HS2ST1: variants seen among roughly 807,000 people sequenced by gnomAD.
HS2ST1 encodes heparan sulfate 2-O-sulfotransferase 1, also known as 2-O-sulfotransferase.
In HS2ST1, 18 loss-of-function variants were observed where a neutral mutation model predicts 42.9. The observed-to-expected ratio is 0.42, with a 90% CI of 0.29 to 0.62. HS2ST1 has a LOEUF of 0.62. HS2ST1 is among the 20% of genes least tolerant of loss of function. The pLI, the probability that HS2ST1 is intolerant of heterozygous loss-of-function variation, is 0.21. For missense variants in HS2ST1, 334 were observed against 433.8 expected (o/e 0.77, Z 2.04); for synonymous variants, 146 against 152.9 (o/e 0.95, Z 0.33).
intron 1 of HS2ST1, among the ~76,000 whole-genome samples, chr1:86,949,746 A>G (rs1470779747): frequency 2.0e-5 from 3 of 152,156 alleles, no homozygotes; most frequent in African/African-American, 7.2e-5. Flanking sequence ...GAACATTTTC[A>G]TCTTTCCAGA....
intron 1 of HS2ST1, among the ~76,000 whole-genome samples, chr1:87,011,902 G>A (rs1261936947): frequency 1.3e-5 from 2 of 152,082 alleles, no homozygotes; most frequent in African/African-American, 2.4e-5. Flanking sequence ...TAGGACATAC[G>A]GTTTTATTTA....
chr1:87,046,977 G>C (rs371887823), intron 1 of HS2ST1, among the ~76,000 whole-genome samples: 2 of 145,234 alleles, frequency 1.4e-5, no homozygotes, highest in Admixed American at 7.0e-5. Context: ...CAAAGTGCTG[G>C]GATTACAGGC....
At chr1:87,064,045 C>T (rs1651185479) in intron 1 of HS2ST1, among the ~76,000 whole-genome samples, 1 of 152,144 alleles carries the variant, frequency 6.6e-6, no homozygotes, top group South Asian at 2.1e-4. Flanking sequence ...GGATATTGGG[C>T]ATTGTGAGGG....
chr1:86,949,473 A>T (rs1194864898), intron 1 of HS2ST1, among the ~76,000 whole-genome samples: 1 of 152,140 alleles, frequency 6.6e-6, no homozygotes, highest in Non-Finnish European at 1.5e-5. Flanking sequence ...TAGAGGCTTA[A>T]GCAGGAGAAT....
chr1:87,090,615 A>T (rs1212410649), intron 3 of HS2ST1, among the ~76,000 whole-genome samples: 1 of 152,012 alleles, frequency 6.6e-6, no homozygotes, highest in Admixed American at 6.6e-5. Flanking sequence ...GTTTATTCCA[A>T]AACAGCAGCC....
At chr1:87,064,451 C>T (rs779766599) in intron 1 of HS2ST1, 1 of 518,212 alleles carries the variant, frequency 1.9e-6, no homozygotes, top group Non-Finnish European at 3.9e-6. Context: ...TCCATCTTCC[C>T]TTAAAGTGGA....
intron 1 of HS2ST1, among the ~76,000 whole-genome samples, chr1:86,939,672 C>T (rs1349116052): frequency 3.3e-5 from 5 of 152,292 alleles, no homozygotes; most frequent in South Asian, 2.1e-4. Flanking sequence ...TTCCTATGTG[C>T]ACTAAGGTTA....
intron 5 of HS2ST1, among the ~76,000 whole-genome samples, chr1:87,101,147 G>GTTTTTTTTTTTTTTTTTTT (rs1557546414): frequency 1.3e-5 from 1 of 75,892 alleles, no homozygotes; most frequent in Non-Finnish European, 2.5e-5. Flanking sequence ...GTGTGTGTGT[G>GTTTTTTTTTTTTTTTTTTT]TGTTTTTTGT....
Position 86,918,362 on chromosome 1 carries a change from A to T in HS2ST1, c.124+3202A>T, listed in dbSNP as rs77482660. Among the ~76,000 whole-genome samples, 24 of 152,206 alleles carry T rather than the reference A, an allele frequency of 1.6e-4. No homozygotes were observed. In the East Asian group the frequency reaches 4.6e-3, roughly 29 times the overall value. ...AGGTCAGTACATATAGATGTGACTT[A>T]CTCATTCTATTAATAATAGCTGTAT... On this transcript the variant is annotated intron_variant, in intron 1 of 6. Transcript: ENST00000370550.
chr1:87,061,673 T>C (rs556134461), intron 1 of HS2ST1, among the ~76,000 whole-genome samples: 1 of 152,282 alleles, frequency 6.6e-6, no homozygotes, highest in South Asian at 2.1e-4. Flanking sequence ...GTTTCTACCT[T>C]TTGGCTATAG....
intron 2 of HS2ST1, among the ~76,000 whole-genome samples, chr1:87,073,763 T>C (rs1651475236): frequency 6.6e-6 from 1 of 152,212 alleles, no homozygotes; most frequent in Non-Finnish European, 1.5e-5. Context: ...TAAAATTTGC[T>C]CATCTCTTTA....
intron 1 of HS2ST1, among the ~76,000 whole-genome samples, chr1:87,064,061 G>A (rs1408670153): frequency 6.6e-6 from 1 of 152,196 alleles, no homozygotes; most frequent in Non-Finnish European, 1.5e-5. Flanking sequence ...GAGGGTGGAA[G>A]TCTAGGCTCC....
chr1:87,067,139 A>G (rs1651273916), intron 1 of HS2ST1, among the ~76,000 whole-genome samples: 1 of 152,216 alleles, frequency 6.6e-6, no homozygotes, highest in African/African-American at 2.4e-5. Flanking sequence ...TCCTTGAGGA[A>G]TCGCCACATT....
chr1:87,027,590 AT>A, intron 1 of HS2ST1, among the ~76,000 whole-genome samples: 1 of 152,356 alleles, frequency 6.6e-6, no homozygotes, highest in East Asian at 1.9e-4. Flanking sequence ...TACAGTCCAC[AT>A]GAGTAAGGTT....
chr1:86,964,401 C>T (rs1206897450), intron 1 of HS2ST1, among the ~76,000 whole-genome samples: 3 of 152,222 alleles, frequency 2.0e-5, no homozygotes, highest in South Asian at 2.1e-4. Flanking sequence ...CTCGGGAGGC[C>T]GAGGCTGGCA....
chr1:86,976,500 G>A (rs1172754687), intron 1 of HS2ST1, among the ~76,000 whole-genome samples: 1 of 151,522 alleles, frequency 6.6e-6, no homozygotes, highest in Non-Finnish European at 1.5e-5. Context: ...AATTAGAATT[G>A]ATTTTTTTCT....
intron 2 of HS2ST1, among the ~76,000 whole-genome samples, chr1:87,081,254 T>C (rs1651680289): frequency 6.6e-6 from 1 of 152,200 alleles, no homozygotes; most frequent in African/African-American, 2.4e-5. Flanking sequence ...GACTGCAGAA[T>C]ACACATTCTT....
chr1:87,023,888 C>T (rs1292573581), intron 1 of HS2ST1, among the ~76,000 whole-genome samples: 5 of 150,948 alleles, frequency 3.3e-5, no homozygotes, highest in Admixed American at 6.6e-5. Flanking sequence ...GAGGTCATGC[C>T]GCCACTGGGA....
At chr1:86,949,266 G>A (rs1647431688) in intron 1 of HS2ST1, among the ~76,000 whole-genome samples, 1 of 151,954 alleles carries the variant, frequency 6.6e-6, no homozygotes, top group African/African-American at 2.4e-5. Context: ...ATACCACCAT[G>A]TCCGTCTAAT....
Sources: gnomAD v4.1 joint callset for allele counts (sites outside exome capture counted in the v4.1 genomes callset) on GRCh38, gnomAD v4.1.1 for gene constraint, MANE v1.5 for transcripts, NCBI Gene and HGNC (gene_info 2026-07-23, HGNC 2026-07-21) for gene names.